The following CACHD1 variants were observed in gnomAD, a reference collection of about 807,000 sequenced individuals.
CACHD1 encodes the protein VWFA and cache domain-containing protein 1.
CACHD1 carries 71 observed loss-of-function variants against 138.7 expected under a neutral mutation model. The observed-to-expected ratio is 0.51, with a 90% confidence interval of 0.42 to 0.62. The LOEUF (loss-of-function observed/expected upper bound fraction) is 0.62. Ranked by LOEUF, CACHD1 falls within the 20% of genes least tolerant of loss-of-function variation. The probability of loss-of-function intolerance (pLI) is 0.00; values close to 1 mark genes in which losing one functional copy is unlikely to be tolerated. For synonymous variants in CACHD1, 578 were observed against 591.5 expected (o/e 0.98, Z 0.33); for missense variants, 1,389 against 1,625.3 (o/e 0.85, Z 2.50).
intron 16 of CACHD1, among the ~76,000 whole-genome samples, chr1:64,666,848 CAAA>C (rs946649209): frequency 1.5e-4 from 5 of 33,956 alleles, no homozygotes; most frequent in Admixed American, 5.5e-4. Flanking sequence ...GATCCTGTCT[CAAA>C]AAAAAAAAAA....
chr1:64,647,832 T>C lies in CACHD1; in HGVS notation c.1188T>C (p.Phe396=), dbSNP rs982774275. Residue 396 remains phenylalanine (F), a synonymous_variant, in exon 9 of 27, where the codon TTT becomes TTC. Transcript: ENST00000651257. ...TGACTGGTTTGAAAGAGCTGGCTTT[T>C]CTGAGGGATCTAGCTGAACAGAATT... is the stretch of plus-strand genomic sequence containing the variant. ...DGVTGLKELA[F]LRDLAEQNSG... is the part of the protein sequence containing the mutation. 3 of 1,614,094 alleles carry C rather than the reference T, an allele frequency of 1.9e-6. No individual in the cohort carries two copies. The highest frequency in any genetic ancestry group is 2.5e-6 in the Non-Finnish European group (3 of 1,180,030).
At chr1:64,622,428 G>T (rs550877802) in intron 4 of CACHD1, among the ~76,000 whole-genome samples, 1 of 152,312 alleles carries the variant, frequency 6.6e-6, no homozygotes, top group Non-Finnish European at 1.5e-5. Context: ...TAAGTGGTCA[G>T]TTTCACCTTA....
intron 1 of CACHD1, among the ~76,000 whole-genome samples, chr1:64,515,821 G>A (rs1198781537): frequency 6.6e-6 from 1 of 152,170 alleles, no homozygotes; most frequent in Non-Finnish European, 1.5e-5. Flanking sequence ...TAGAAAGGTG[G>A]CTGGGATTCA....
intron 2 of CACHD1, among the ~76,000 whole-genome samples, chr1:64,553,199 T>G (rs1308362911): frequency 6.6e-6 from 1 of 152,224 alleles, no homozygotes; most frequent in Non-Finnish European, 1.5e-5. Context: ...AAGCTCATAT[T>G]TACGCATTTA....
intron 1 of CACHD1, among the ~76,000 whole-genome samples, chr1:64,474,612 C>G (rs144555783): frequency 6.6e-6 from 1 of 152,330 alleles, no homozygotes; most frequent in East Asian, 1.9e-4. Context: ...GGGGATTTTA[C>G]AAGGACGTAT....
At chr1:64,484,936 C>T (rs1370654378) in intron 1 of CACHD1, among the ~76,000 whole-genome samples, 1 of 152,224 alleles carries the variant, frequency 6.6e-6, no homozygotes, top group Non-Finnish European at 1.5e-5. Flanking sequence ...CTACTACAAA[C>T]ATGAGTGTAC....
intron 4 of CACHD1, among the ~76,000 whole-genome samples, chr1:64,625,082 C>T (rs1018501318): frequency 1.3e-5 from 2 of 152,100 alleles, no homozygotes; most frequent in African/African-American, 4.8e-5. Context: ...CTATCTGGCC[C>T]ATTACAGAAG....
Position 64,653,795 on chromosome 1 carries a change from T to G in CACHD1, c.1578T>G (p.Tyr526Ter). The G allele has an allele frequency of 2.5e-6, 4 of 1,613,522 alleles. No homozygotes were observed. Among genetic ancestry groups the G allele is most frequent in the Non-Finnish European group, 3.4e-6 (4 of 1,179,538 alleles). ...TLMHPSLTRP[Y>*]LLSEPPLHTD... is the part of the protein sequence containing the mutation. Reference sequence around the variant, plus strand: ...TGCACCCATCTCTTACCAGGCCATATTTATTGTCAGAGCCCCCACTTCATA... The same window carrying G: ...TGCACCCATCTCTTACCAGGCCATAGTTATTGTCAGAGCCCCCACTTCATA... The change falls in exon 11 of 27, where the codon TAT (tyrosine) becomes TAG (stop). Residue 526 changes from tyrosine to a stop codon, truncating the protein, a stop_gained. Coordinates refer to ENST00000651257, the MANE Select transcript of CACHD1 (RefSeq NM_020925.4). LOFTEE classifies it high-confidence loss of function.
Position 64,546,125 on chromosome 1 carries a change from T to C in CACHD1, c.199-4469T>C, listed in dbSNP as rs546159201. On this transcript the variant is annotated intron_variant, in intron 1 of 26. Transcript: ENST00000651257. The stretch of plus-strand genomic sequence containing the variant: ...TGAGGAGAGTTAACTTCTGACTCCC[T>C]TGGGGTTGTGTTCACAGTAAGAGTT... Among the ~76,000 whole-genome samples the C allele has an allele frequency of 9.8e-5, 15 of 152,312 alleles. No homozygotes were observed. The South Asian group carries it at 2.9e-3, about 29-fold the overall frequency.
chr1:64,547,778 C>A (rs555819363), intron 1 of CACHD1, among the ~76,000 whole-genome samples: 1 of 152,172 alleles, frequency 6.6e-6, no homozygotes, highest in South Asian at 2.1e-4. Flanking sequence ...CTTAAAGCTC[C>A]TCTCCATCCC....
intron 3 of CACHD1, among the ~76,000 whole-genome samples, chr1:64,590,057 C>G (rs568765963): frequency 6.6e-6 from 1 of 152,222 alleles, no homozygotes; most frequent in South Asian, 2.1e-4. Context: ...CCTGTAATCC[C>G]AACACTTTGG....
chr1:64,517,970 A>G (rs1244910712), intron 1 of CACHD1, among the ~76,000 whole-genome samples: 3 of 152,210 alleles, frequency 2.0e-5, no homozygotes, highest in Non-Finnish European at 4.4e-5. Flanking sequence ...AGGGAAAGAA[A>G]GTAGAATCCT....
chr1:64,518,334 G>A (rs1646473756), intron 1 of CACHD1, among the ~76,000 whole-genome samples: 1 of 151,678 alleles, frequency 6.6e-6, no homozygotes, highest in Admixed American at 6.6e-5. Context: ...TGTGCAGAAT[G>A]TACAGGTTCA....
intron 1 of CACHD1, among the ~76,000 whole-genome samples, chr1:64,517,505 T>C (rs74847601): frequency 9.5e-4 from 144 of 152,214 alleles, no homozygotes; most frequent in Non-Finnish European, 1.7e-3. Context: ...GGAGGCCTCA[T>C]TGAGAAAATG....
Position 64,594,713 on chromosome 1 carries a change from A to G in CACHD1, c.411-8093A>G, listed in dbSNP as rs547922116. On this transcript the variant is annotated intron_variant, in intron 3 of 26. Transcript: ENST00000651257. ...CAGCTGCCTTTTATGGATTTTAAAT[A>G]GAGATGGTTTTGTGATTTTTCTTTC... Among the ~76,000 whole-genome samples the G allele has an allele frequency of 3.3e-5, 5 of 152,364 alleles. No homozygotes were observed. The South Asian group carries it at 1.0e-3, about 32-fold the overall frequency.
At chr1:64,673,494 A>AT (rs759130277) in intron 19 of CACHD1, 30 bp downstream of exon 19, 1 of 1,499,062 alleles carries the variant, frequency 6.7e-7, no homozygotes, top group Non-Finnish European at 9.3e-7. Flanking sequence ...TAACACTCTC[A>AT]TTTTTCCATC....
intron 5 of CACHD1, among the ~76,000 whole-genome samples, chr1:64,629,860 A>G (rs1174034076): frequency 6.6e-6 from 1 of 152,184 alleles, no homozygotes; most frequent in Non-Finnish European, 1.5e-5. Context: ...AGTTTGTTAT[A>G]CTCAACTTCC....
At chr1:64,548,646 G>A (rs1327650429) in intron 1 of CACHD1, among the ~76,000 whole-genome samples, 1 of 152,150 alleles carries the variant, frequency 6.6e-6, no homozygotes, top group Non-Finnish European at 1.5e-5. Context: ...GGTATCTAGA[G>A]CAGAGCCCCA....
chr1:64,557,764 CT>C (rs1646809432), intron 2 of CACHD1, among the ~76,000 whole-genome samples: 1 of 151,628 alleles, frequency 6.6e-6, no homozygotes, highest in Admixed American at 6.6e-5. Flanking sequence ...CTGCCATTTT[CT>C]TTTTCTTTTT....
Sources: gnomAD v4.1 joint callset for allele counts (sites outside exome capture counted in the v4.1 genomes callset) on GRCh38, gnomAD v4.1.1 for gene constraint, MANE v1.5 for transcripts, NCBI Gene and HGNC (gene_info 2026-07-23, HGNC 2026-07-21) for gene names.